TNFRSF1A: variants seen among roughly 807,000 people sequenced by gnomAD.
TNFRSF1A encodes the protein TNF receptor superfamily member 1A.
In TNFRSF1A, 9 loss-of-function variants were observed where a neutral mutation model predicts 41.6. That is an observed-to-expected ratio of 0.22 (90% CI 0.13 to 0.38). TNFRSF1A has a LOEUF of 0.38. Among genes scored for constraint, TNFRSF1A ranks in the 10% least tolerant of loss-of-function variants. TNFRSF1A has a pLI of 1.00. For synonymous variants in TNFRSF1A, 254 were observed against 248.6 expected (o/e 1.02, Z -0.21); for missense variants, 463 against 591.5 (o/e 0.78, Z 2.25).
rs569740183 is a variant in TNFRSF1A, at chr12:6,340,997, C to T, written c.39+779G>A. ...TGTGAGAAGCAGCGGGGAGGGGAAG[C>T]TGGAGGACAGGCCCAGGGACACTGA... On this transcript the variant is annotated intron_variant, in intron 1 of 9. Coordinates refer to ENST00000162749, the MANE Select transcript of TNFRSF1A (RefSeq NM_001065.4). Among the ~76,000 whole-genome samples the T allele has an allele frequency of 7.9e-5, 12 of 152,286 alleles. No individual in the cohort carries two copies. In the South Asian group the frequency reaches 2.5e-3, roughly 32 times the overall value.
rs531458953 is a variant in TNFRSF1A at position 6,341,124 on chromosome 12, C to T, written c.39+652G>A. Among the ~76,000 whole-genome samples the T allele has an allele frequency of 2.9e-4, 44 of 152,244 alleles. No homozygotes were observed. In the South Asian group the frequency reaches 8.9e-3, roughly 31 times the overall value. On this transcript the variant is annotated intron_variant, in intron 1 of 9. Coordinates refer to ENST00000162749, the MANE Select transcript of TNFRSF1A (RefSeq NM_001065.4). This position sits in a 1 kb window ranked among gnomAD's most constrained non-coding sequence, Gnocchi z 4.6. ...TAAAGAATGTCCCCAGGTGAGAGGC[C>T]GGGGCTTGGCCAGGGCACTGGGGAC...
rs1948131655 is a variant in TNFRSF1A, at chr12:6,337,123, G to C, written c.40-2879C>G. On this transcript the variant is annotated intron_variant, in intron 1 of 9. Coordinates refer to ENST00000162749, the MANE Select transcript of TNFRSF1A (RefSeq NM_001065.4). This position sits in a 1 kb window ranked among gnomAD's most constrained non-coding sequence, Gnocchi z 4.6. Reference sequence around the variant, plus strand: ...CTGGCCCCCAGAATGCTCCAGGTCAGCCCTCTCTGATCCCTAGGAGCCAGG... The same window carrying C: ...CTGGCCCCCAGAATGCTCCAGGTCACCCCTCTCTGATCCCTAGGAGCCAGG... Among the ~76,000 whole-genome samples the C allele has an allele frequency of 6.6e-6, 1 of 152,208 alleles. No individual in the cohort carries two copies. Among genetic ancestry groups the C allele is most frequent in the South Asian group, 2.1e-4 (1 of 4,836 alleles).
In TNFRSF1A at chr12:6,329,608, T is replaced by C. The variant is rs200827709; in HGVS notation, c.1072A>G (p.Thr358Ala). 2 of 1,593,788 alleles carry C rather than the reference T, an allele frequency of 1.3e-6. No homozygotes were observed. Among genetic ancestry groups the C allele is most frequent in the Non-Finnish European group, 1.7e-6 (2 of 1,174,804 alleles). Residue 358 changes from threonine (T) to alanine (A), a missense_variant, in exon 10 of 10, where the codon ACG becomes GCG. Physicochemically the swap from Thr to Ala is moderately conservative, Grantham distance 58. Transcript: ENST00000162749. ...PQSLDTDDPA[T>A]LYAVVENVPP... ...ACGTTCTCCACCACGGCGTACAGCG[T>C]CGCGGGGTCATCAGCTGCGGGGACG...
At chr12:6,340,498 A>G (rs1390034688) in intron 1 of TNFRSF1A, among the ~76,000 whole-genome samples, 1 of 152,190 alleles carries the variant, frequency 6.6e-6, no homozygotes, top group Non-Finnish European at 1.5e-5. Context: ...GAAGAAGGGA[A>G]GAGCGGGTGG....
At chr12:6,340,981 C>A (rs1948187185) in intron 1 of TNFRSF1A, among the ~76,000 whole-genome samples, 1 of 152,190 alleles carries the variant, frequency 6.6e-6, no homozygotes, top group South Asian at 2.1e-4. Context: ...CTGTGAGAAG[C>A]AGCGGGGAGG....
chr12:6,329,669 C>A (rs748956200), intron 9 of TNFRSF1A, 47 bp from the exon 10 acceptor site: 5 of 1,547,830 alleles, frequency 3.2e-6, no homozygotes, highest in Non-Finnish European at 4.3e-6. Flanking sequence ...CCCCAGGCCC[C>A]GCCCCGCATC....
chr12:6,338,271 C>T (rs4149578), intron 1 of TNFRSF1A, among the ~76,000 whole-genome samples: 23,804 of 151,904 alleles, frequency 0.16, 2,315 homozygotes, highest in African/African-American at 0.26. Flanking sequence ...GAACTTGCCA[C>T]GCTCTCTCCC....
At position 6,340,095 on chromosome 12, in the gene TNFRSF1A, A is replaced by G. The variant is rs1002321942; in HGVS notation, c.39+1681T>C. Among the ~76,000 whole-genome samples, 3 of 152,126 alleles carry G rather than the reference A, an allele frequency of 2.0e-5. No homozygotes were observed. In the East Asian group the frequency reaches 5.8e-4, roughly 29 times the overall value. ...CACAGGTAGCCACCCAGTAATTACT[A>G]CTAGTCACAGCAATATAAAAACTTT... On this transcript the variant is annotated intron_variant, in intron 1 of 9. Coordinates refer to ENST00000162749, the MANE Select transcript of TNFRSF1A (RefSeq NM_001065.4).
Position 6,333,306 on chromosome 12 carries a change from T to A in TNFRSF1A, c.472+61A>T. The A allele has an allele frequency of 1.9e-6, 3 of 1,592,630 alleles. No homozygotes were observed. Among genetic ancestry groups the A allele is most frequent in the Non-Finnish European group, 2.6e-6 (3 of 1,167,590 alleles). On this transcript the variant is annotated intron_variant, in intron 4 of 9. Transcript: ENST00000162749. The surrounding 1 kb of genome is among the most constrained non-coding windows in gnomAD (Gnocchi z 6.3). ...GGGAAGGAAAGGAAGTGCCACCGCATGGGGAAGGGGCCAACCCCTGGGGTG... is the reference window on the plus strand; with the variant it reads ...GGGAAGGAAAGGAAGTGCCACCGCAAGGGGAAGGGGCCAACCCCTGGGGTG...
intron 1 of TNFRSF1A, among the ~76,000 whole-genome samples, chr12:6,340,475 G>T (rs1948180556): frequency 6.6e-6 from 1 of 152,162 alleles, no homozygotes; most frequent in African/African-American, 2.4e-5. Flanking sequence ...AGACCGTGGG[G>T]GAAGGACAGT....
chr12:6,335,431 T>C (rs1948108118), intron 1 of TNFRSF1A, among the ~76,000 whole-genome samples: 1 of 152,114 alleles, frequency 6.6e-6, no homozygotes, highest in South Asian at 2.1e-4. Context: ...TGGAGCCCCC[T>C]GCACACCATG....
rs1948070558 is a variant in TNFRSF1A at position 6,333,069 on chromosome 12, T to C, written c.551A>G (p.Asn184Ser). 2 of 1,613,894 alleles carry C rather than the reference T, an allele frequency of 1.2e-6. No homozygotes were observed. Among genetic ancestry groups the C allele is most frequent in the South Asian group, 2.2e-5 (2 of 91,070 alleles). Residue 184 changes from asparagine (N) to serine (S), a missense_variant and splice_region_variant, in exon 5 of 10, where the codon AAC becomes AGC. Around this residue, in one of 4 missense-constraint regions of TNFRSF1A, gnomAD observed 149 missense variants for 239.4 expected, o/e 0.62. Coordinates refer to ENST00000162749, the MANE Select transcript of TNFRSF1A (RefSeq NM_001065.4). This position sits in a 1 kb window ranked among gnomAD's most constrained non-coding sequence, Gnocchi z 6.3. ...LRENECVSCS[N>S]CKKSLECTKL... Reference sequence around the variant, plus strand: ...CCCAGCAGCTCTCAGAGATACTCACTTACTACAGGAGACACACTCGTTTTC... The same window carrying C: ...CCCAGCAGCTCTCAGAGATACTCACCTACTACAGGAGACACACTCGTTTTC...
In TNFRSF1A at chr12:6,333,521, T is replaced by G. The variant is rs200094504; in HGVS notation, c.323-5A>C. Reference sequence around the variant, plus strand: ...AGATCTCCACCTGACCCATTTCTGGTGAGGGGAGAAGATGGGGTATGAGTC... The same window carrying G: ...AGATCTCCACCTGACCCATTTCTGGGGAGGGGAGAAGATGGGGTATGAGTC... On this transcript the variant is annotated splice_polypyrimidine_tract_variant and splice_region_variant and intron_variant, in intron 3 of 9. Transcript: ENST00000162749. This position sits in a 1 kb window ranked among gnomAD's most constrained non-coding sequence, Gnocchi z 6.3. 2.2e-5 allele frequency: 36 copies of G among 1,614,044 alleles called. No homozygotes were observed. Among genetic ancestry groups the G allele is most frequent in the Non-Finnish European group, 2.8e-5 (33 of 1,180,030 alleles).
chr12:6,340,162 A>G (rs956693726), intron 1 of TNFRSF1A, among the ~76,000 whole-genome samples: 9 of 152,176 alleles, frequency 5.9e-5, no homozygotes, highest in Admixed American at 4.6e-4. Flanking sequence ...CCCCTGATGG[A>G]CTGTCAAAGC....
rs74059213 is a variant in TNFRSF1A at position 6,335,407 on chromosome 12, G to A, written c.40-1163C>T. Among the ~76,000 whole-genome samples, 502 of 152,254 alleles carry A rather than the reference G, an allele frequency of 3.3e-3. 5 individuals are homozygous for A. Among genetic ancestry groups the A allele is most frequent in the African/African-American group, 0.011 (460 of 41,552 alleles). ...TGACTGTCAGGTCAGAGCTGAGGGC[G>A]TGCTGGGGAGTCCTGGAGCCCCCTG... is the stretch of plus-strand genomic sequence containing the variant. On this transcript the variant is annotated intron_variant, in intron 1 of 9. Transcript: ENST00000162749.
Position 6,330,292 on chromosome 12 carries a change from C to G in TNFRSF1A, c.743G>C (p.Cys248Ser). 2.5e-6 allele frequency: 4 copies of G among 1,613,904 alleles called. No individual in the cohort carries two copies. Among genetic ancestry groups the G allele is most frequent in the Non-Finnish European group, 3.4e-6 (4 of 1,179,798 alleles). The change falls in exon 8 of 10, where the codon TGT becomes TCT. Residue 248 changes from cysteine (C) to serine (S), a missense_variant. By Grantham distance (112) the Cys-to-Ser change is moderately radical. Coordinates refer to ENST00000162749, the MANE Select transcript of TNFRSF1A (RefSeq NM_001065.4). ...CTCTTTTTCAGGTGTCGATTTCCCA[C>G]AAACTGAGGAAAAAGAAAGAAAGCA... ...RWKSKLYSIV[C>S]GKSTPEKEGE...
Position 6,333,958 on chromosome 12 carries a change from C to A in TNFRSF1A, c.194-93G>T, listed in dbSNP as rs1948086257. On this transcript the variant is annotated intron_variant, in intron 2 of 9. Transcript: ENST00000162749. This position sits in a 1 kb window ranked among gnomAD's most constrained non-coding sequence, Gnocchi z 6.3. The stretch of plus-strand genomic sequence containing the variant: ...ACAGCCAGGGCCGATTCCCTGAAGT[C>A]TCTAGGAGAGGAGGGAGGGAGAAAA... The A allele has an allele frequency of 1.9e-6, 3 of 1,609,188 alleles. No homozygotes were observed. In the South Asian group the frequency reaches 3.3e-5, roughly 18 times the overall value.
chr12:6,338,975 G>A (rs1275118612), intron 1 of TNFRSF1A, among the ~76,000 whole-genome samples: 2 of 152,144 alleles, frequency 1.3e-5, no homozygotes, highest in Non-Finnish European at 2.9e-5. Context: ...CACAGAATGT[G>A]CCCTAGGAGA....
At chr12:6,340,951 C>G (rs1434636423) in intron 1 of TNFRSF1A, among the ~76,000 whole-genome samples, 1 of 152,282 alleles carries the variant, frequency 6.6e-6, no homozygotes, top group Non-Finnish European at 1.5e-5. Flanking sequence ...AATAAGAAAC[C>G]AAGGGATTGT....
Sources: gnomAD v4.1 joint callset for allele counts (sites outside exome capture counted in the v4.1 genomes callset) on GRCh38, gnomAD v4.1.1 for gene constraint, gnomAD v4.1.1 regional missense constraint, Gnocchi (gnomAD v3.1) non-coding constraint, MANE v1.5 for transcripts, NCBI Gene and HGNC (gene_info 2026-07-23, HGNC 2026-07-21) for gene names.